Variants in SHOC1 observed in about 807,000 individuals in gnomAD.
The protein encoded by SHOC1 is shortage in chiasmata 1.
In SHOC1, 136 loss-of-function variants were observed where a neutral mutation model predicts 179.2. The observed-to-expected ratio is 0.76, with a 90% CI of 0.66 to 0.87. The LOEUF is 0.87. Among genes scored for constraint, SHOC1 ranks in the 40% least tolerant of loss-of-function variants. The probability of loss-of-function intolerance (pLI) is 0.00; values close to 1 mark genes in which losing one functional copy is unlikely to be tolerated. For missense variants in SHOC1, 1,538 were observed against 1,700.8 expected, an observed-to-expected ratio of 0.90 and a Z score of 1.68; for synonymous variants, 489 against 586.6, an observed-to-expected ratio of 0.83 and a Z score of 2.41.
At chr9:111,794,291 AT>A (rs371561345) in intron 1 of SHOC1, among the ~76,000 whole-genome samples, 72,122 of 145,478 alleles carry the variant, frequency 0.5, 18,151 homozygotes, top group Non-Finnish European at 0.54. Flanking sequence ...AAAAAAAAAA[AT>A]AATAAGATCC....
At chr9:111,701,564 G>C (rs1279863395) in intron 23 of SHOC1, among the ~76,000 whole-genome samples, 4 of 152,044 alleles carry the variant, frequency 2.6e-5, no homozygotes, top group African/African-American at 9.7e-5. Context: ...CCAAGTTCCA[G>C]ATAAAGCTTA....
chr9:111,776,126 A>T (rs1245756167), intron 4 of SHOC1, 151 bp from the exon 5 acceptor site: 16 of 634,488 alleles, frequency 2.5e-5, no homozygotes, highest in Non-Finnish European at 1.6e-5. Context: ...AGATAAATAT[A>T]AAAAGTATGT....
intron 5 of SHOC1, among the ~76,000 whole-genome samples, chr9:111,763,227 A>C (rs1313954098): frequency 6.6e-6 from 1 of 152,042 alleles, no homozygotes; most frequent in Non-Finnish European, 1.5e-5. Context: ...GAACAATAGG[A>C]GATTCAGGAG....
intron 12 of SHOC1, among the ~76,000 whole-genome samples, chr9:111,732,807 G>T (rs1263763175): frequency 6.6e-6 from 1 of 152,158 alleles, no homozygotes; most frequent in Non-Finnish European, 1.5e-5. Context: ...CTGCAAAGGG[G>T]CATAAAGAAA....
chr9:111,738,310 A>G lies in SHOC1; in HGVS notation c.1387T>C (p.Phe463Leu). Residue 463 changes from phenylalanine (F) to leucine (L), a missense_variant, in exon 12 of 28, where the codon TTT (phenylalanine) becomes CTT (leucine). Physicochemically the swap from Phe to Leu is conservative, Grantham distance 22. Transcript: ENST00000682961. ...AATTGAAGCACTTTCGTAGGCAAAA[A>G]TATCTCAATTTTAGTGTCATTAGAA... ...LSSNDTKIEI[F>L]LPTKVLQLES... 1 of 1,611,888 alleles carries G rather than the reference A, an allele frequency of 6.2e-7. No homozygotes were observed. The highest frequency in any genetic ancestry group is 1.1e-5 in the South Asian group (1 of 90,810).
intron 15 of SHOC1, among the ~76,000 whole-genome samples, chr9:111,720,397 T>C (rs1832981255): frequency 6.6e-6 from 1 of 152,224 alleles, no homozygotes; most frequent in South Asian, 2.1e-4. Flanking sequence ...CAGTTCTCTT[T>C]TTATTATTGG....
At chr9:111,759,474 T>C in intron 5 of SHOC1, 2 of 1,258,156 alleles carry the variant, frequency 1.6e-6, no homozygotes, top group Non-Finnish European at 2.0e-6. Context: ...GGAATAAATT[T>C]CTCCTCTCGG....
chr9:111,692,423 T>A lies in SHOC1; in HGVS notation c.3554A>T (p.Asn1185Ile). The A allele has an allele frequency of 6.2e-7, 1 of 1,613,116 alleles. No homozygotes were observed. Among genetic ancestry groups the A allele is most frequent in the South Asian group, 1.1e-5 (1 of 90,848 alleles). ...TTGAGAAGACAAGGTACTAATCTGA[T>A]TCCTATTTTCCTGAGGTGACGAAAT... Reference protein sequence around the residue: ...PQISSPQENRNQISTLSSQSS... With the variant: ...PQISSPQENRIQISTLSSQSS... Residue 1185 changes from asparagine (N) to isoleucine (I), a missense_variant, in exon 27 of 28, where the codon AAT becomes ATT. Transcript: ENST00000682961.
chr9:111,784,972 T>C (rs934786137), intron 3 of SHOC1, among the ~76,000 whole-genome samples: 1 of 152,236 alleles, frequency 6.6e-6, no homozygotes, highest in African/African-American at 2.4e-5. Flanking sequence ...CTATTGCAGC[T>C]GTAATCAAAA....
chr9:111,693,693 A>C (rs1342719950), intron 26 of SHOC1, 106 bp downstream of exon 26: 1 of 671,620 alleles, frequency 1.5e-6, no homozygotes, highest in African/African-American at 1.8e-5. Context: ...GAAGTCCAAA[A>C]CAATTAAACT....
rs892456155 is a variant in SHOC1 at position 111,738,622 on chromosome 9, C to A, written c.1175-100G>T. 12 of 1,042,528 alleles carry A rather than the reference C, an allele frequency of 1.2e-5. No homozygotes were observed. The Admixed American group carries it at 2.6e-4, about 23-fold the overall frequency. 64.6% of individuals were successfully genotyped at this position (1,042,528 alleles called of 1,614,324 possible). Reference sequence around the variant, plus strand: ...CACACTGGAATTTCTTTATGAAATGCATTTTTATGCATTAGAAAATAAGTG... The same window carrying A: ...CACACTGGAATTTCTTTATGAAATGAATTTTTATGCATTAGAAAATAAGTG... On this transcript the variant is annotated intron_variant, in intron 11 of 27. Transcript: ENST00000682961.
Position 111,693,908 on chromosome 9 carries a change from A to G in SHOC1, c.3356T>C (p.Leu1119Ser). 2 of 1,612,474 alleles carry G rather than the reference A, an allele frequency of 1.2e-6. No individual in the cohort carries two copies. The highest frequency in any genetic ancestry group is 3.3e-4 in the Middle Eastern group (2 of 6,052). Residue 1119 changes from leucine to serine, a missense_variant, in exon 26 of 28, where the codon TTG (leucine) becomes TCG (serine). Transcript: ENST00000682961. Reference protein sequence around the residue: ...YLLDFPCINPLVAQLMLNKGP... With the variant: ...YLLDFPCINPSVAQLMLNKGP... ...TTTATTTAGCATGAGCTGAGCCACC[A>G]ATGGGTTAATACATGGAAAATCAAG... is the stretch of plus-strand genomic sequence containing the variant.
At chr9:111,693,214 G>C (rs567882611) in intron 26 of SHOC1, among the ~76,000 whole-genome samples, 5 of 151,998 alleles carry the variant, frequency 3.3e-5, no homozygotes, top group Admixed American at 6.6e-5. Flanking sequence ...GCTGAGGCAC[G>C]AGAATTGCTT....
Position 111,686,880 on chromosome 9 carries a change from G to A in SHOC1, c.4427-10C>T. 1 of 1,557,174 alleles carries A rather than the reference G, an allele frequency of 6.4e-7. No homozygotes were observed. Among genetic ancestry groups the A allele is most frequent in the Non-Finnish European group, 8.8e-7 (1 of 1,132,482 alleles). ...TGTGAGCACATAAAACCTGTTAAAAGGAGAAAAAGGAAAACCATTTTATTG... is the reference window on the plus strand; with the variant it reads ...TGTGAGCACATAAAACCTGTTAAAAAGAGAAAAAGGAAAACCATTTTATTG... On this transcript the variant is annotated splice_polypyrimidine_tract_variant and intron_variant, in intron 27 of 27. Transcript: ENST00000682961.
intron 15 of SHOC1, among the ~76,000 whole-genome samples, chr9:111,719,863 G>A (rs933990839): frequency 1.3e-5 from 2 of 152,144 alleles, no homozygotes; most frequent in African/African-American, 4.8e-5. Context: ...ATTTGTAAAA[G>A]AGAGTTAACC....
chr9:111,729,863 G>A (rs1411800874), intron 12 of SHOC1, among the ~76,000 whole-genome samples: 7 of 145,134 alleles, frequency 4.8e-5, no homozygotes, highest in Non-Finnish European at 9.0e-5. Flanking sequence ...CTGCACTTCA[G>A]CCTGGTGAGA....
intron 19 of SHOC1, among the ~76,000 whole-genome samples, chr9:111,707,607 ATAT>A (rs1219797577): frequency 6.6e-6 from 1 of 152,024 alleles, no homozygotes; most frequent in Non-Finnish European, 1.5e-5. Context: ...TACAATAACA[ATAT>A]TATTATTATT....
intron 27 of SHOC1, among the ~76,000 whole-genome samples, chr9:111,691,307 T>C (rs1280223345): frequency 4.6e-5 from 7 of 152,214 alleles, no homozygotes; most frequent in African/African-American, 1.7e-4. Flanking sequence ...TTACTTAGAG[T>C]TGCACTGCTT....
At chr9:111,781,532 G>T (rs1326520661) in intron 3 of SHOC1, among the ~76,000 whole-genome samples, 1 of 152,094 alleles carries the variant, frequency 6.6e-6, no homozygotes, top group Admixed American at 6.6e-5. Flanking sequence ...AGACCAGCCT[G>T]GCCAACATGG....
Sources: allele counts gnomAD v4.1 joint callset (sites outside exome capture counted in the v4.1 genomes callset), GRCh38; gene constraint gnomAD v4.1.1; transcripts MANE v1.5; gene names NCBI Gene and HGNC (gene_info 2026-07-23, HGNC 2026-07-21).